Variants in ENTPD3 observed in about 807,000 individuals in gnomAD.
ENTPD3 encodes CD39 antigen-like 3.
A neutral mutation model predicts 51.2 loss-of-function variants in ENTPD3; 60 were observed. The observed-to-expected ratio is 1.17, with a 90% CI of 0.95 to 1.45. The LOEUF (loss-of-function observed/expected upper bound fraction) is 1.45. Among genes scored for constraint, ENTPD3 ranks in the 40% most tolerant of loss-of-function variants. The pLI is 0.00. For synonymous variants in ENTPD3, 221 were observed against 238.4 expected (o/e 0.93, Z 0.67); for missense variants, 593 against 641.1 (o/e 0.93, Z 0.81).
In ENTPD3 at chr3:40,416,172, T is replaced by C. The variant is rs546241348; in HGVS notation, c.831+99T>C. 117 of 795,576 alleles carry C rather than the reference T, an allele frequency of 1.5e-4. No homozygotes were observed. In the African/African-American group the frequency reaches 1.8e-3, roughly 12 times the overall value. The allele number at this position is 795,576 out of a possible 1,614,324, so 49.3% of individuals were successfully genotyped here. On this transcript the variant is annotated intron_variant, in intron 7 of 10. Coordinates refer to ENST00000301825, the MANE Select transcript of ENTPD3 (RefSeq NM_001248.4). Reference sequence around the variant, plus strand: ...CTGGGGTCTGTCCTCTCCACTTCAATTGAAAGGTAGATGGAAATAACAGCA... The same window carrying C: ...CTGGGGTCTGTCCTCTCCACTTCAACTGAAAGGTAGATGGAAATAACAGCA...
intron 7 of ENTPD3, among the ~76,000 whole-genome samples, chr3:40,416,529 G>A (rs1311299721): frequency 6.6e-6 from 1 of 152,210 alleles, no homozygotes; most frequent in Non-Finnish European, 1.5e-5. Context: ...GTCTATATTA[G>A]GCAGACTTGA....
At chr3:40,390,933 T>G (rs1955037635) in intron 2 of ENTPD3, 1 of 152,164 alleles carries the variant, frequency 6.6e-6, no homozygotes, top group African/African-American at 2.4e-5. Flanking sequence ...AATGAAATCA[T>G]TTCAGTATAG....
intron 7 of ENTPD3, among the ~76,000 whole-genome samples, chr3:40,418,520 C>T (rs1955794820): frequency 6.6e-6 from 1 of 152,132 alleles, no homozygotes; most frequent in Non-Finnish European, 1.5e-5. Context: ...TCTCCAGTCA[C>T]CTTAGAGCTG....
At chr3:40,417,422 G>C (rs765924633) in intron 7 of ENTPD3, among the ~76,000 whole-genome samples, 4 of 152,200 alleles carry the variant, frequency 2.6e-5, no homozygotes, top group Non-Finnish European at 5.9e-5. Flanking sequence ...AGGAGGAAGA[G>C]AGAGAGTGAA....
chr3:40,394,999 C>T (rs1443295801), intron 3 of ENTPD3, among the ~76,000 whole-genome samples: 3 of 152,134 alleles, frequency 2.0e-5, no homozygotes, highest in Non-Finnish European at 2.9e-5. Context: ...CTAGGGTCTT[C>T]GTGGACCTCC....
At chr3:40,424,026 G>C in intron 10 of ENTPD3, 63 bp downstream of exon 10, 1 of 1,608,804 alleles carries the variant, frequency 6.2e-7, no homozygotes, top group Non-Finnish European at 8.5e-7. Flanking sequence ...ATGTGTGTGT[G>C]GAACAAATGT....
At chr3:40,404,134 G>C (rs911661337) in intron 4 of ENTPD3, among the ~76,000 whole-genome samples, 1 of 152,214 alleles carries the variant, frequency 6.6e-6, no homozygotes, top group African/African-American at 2.4e-5. Context: ...CAAGGAAAGA[G>C]AAGATAGTGT....
intron 10 of ENTPD3, among the ~76,000 whole-genome samples, chr3:40,426,971 C>G (rs1486562092): frequency 4.6e-5 from 7 of 152,208 alleles, no homozygotes; most frequent in Admixed American, 1.3e-4. Flanking sequence ...GCCACAAACA[C>G]TCCTGTGCTC....
chr3:40,387,931 T>C, intron 1 of ENTPD3, 115 bp from the exon 2 acceptor site: 1 of 771,246 alleles, frequency 1.3e-6, no homozygotes, highest in East Asian at 2.6e-5. Flanking sequence ...TTTCCCGGGA[T>C]GAGGTTTTGA....
At chr3:40,397,551 A>G (rs1404889701) in intron 3 of ENTPD3, among the ~76,000 whole-genome samples, 3 of 152,152 alleles carry the variant, frequency 2.0e-5, no homozygotes, top group African/African-American at 7.2e-5. Context: ...CAATAACACA[A>G]AGCACTTTCT....
At chr3:40,388,888 C>CTCCTA (rs1353263404) in intron 2 of ENTPD3, among the ~76,000 whole-genome samples, 1 of 152,156 alleles carries the variant, frequency 6.6e-6, no homozygotes, top group African/African-American at 2.4e-5. Flanking sequence ...TGCTGAAACA[C>CTCCTA]AGAAGACTTA....
chr3:40,423,594 A>G (rs1459024141), intron 9 of ENTPD3, among the ~76,000 whole-genome samples, 193 bp downstream of exon 9: 3 of 152,256 alleles, frequency 2.0e-5, no homozygotes, highest in Non-Finnish European at 2.9e-5. Flanking sequence ...CAATGGTTAG[A>G]ACAATATTTG....
At chr3:40,389,913 G>A (rs139721593) in intron 2 of ENTPD3, among the ~76,000 whole-genome samples, 132 of 152,282 alleles carry the variant, frequency 8.7e-4, no homozygotes, top group African/African-American at 3.0e-3. Context: ...GAATAAGACA[G>A]GATCTATCCA....
intron 7 of ENTPD3, among the ~76,000 whole-genome samples, chr3:40,421,093 G>A (rs1293856962): frequency 6.7e-6 from 1 of 149,916 alleles, no homozygotes; most frequent in South Asian, 2.1e-4. Flanking sequence ...GTGCAATCTC[G>A]GTTTGCTGCA....
chr3:40,413,202 G>A lies in ENTPD3; in HGVS notation c.437+1240G>A, dbSNP rs577682746. On this transcript the variant is annotated intron_variant, in intron 5 of 10. Transcript: ENST00000301825. ...GAAGTTTTCAATTTGGAGACTGAAT[G>A]CTTAGAGCTTAGTTTGTGAAATCCT... 2.0e-5 allele frequency among the ~76,000 whole-genome samples: 3 copies of A among 152,310 alleles called. No individual in the cohort carries two copies. The South Asian group carries it at 6.2e-4, about 32-fold the overall frequency.
Position 40,411,860 on chromosome 3 carries a change from C to T in ENTPD3, c.335C>T (p.Ala112Val). Reference protein sequence around the residue: ...YGNNPQDVPRAFEECMQKVKG... With the variant: ...YGNNPQDVPRVFEECMQKVKG... ...AATAACCCCCAAGATGTCCCCAGAG[C>T]CTTTGAGGAGTGTATGCAAAAAGTC... Residue 112 changes from alanine (A) to valine (V), a missense_variant, in exon 5 of 11, where the codon GCC becomes GTC. Coordinates refer to ENST00000301825, the MANE Select transcript of ENTPD3 (RefSeq NM_001248.4). 3 of 1,611,464 alleles carry T rather than the reference C, an allele frequency of 1.9e-6. No individual in the cohort carries two copies. Among genetic ancestry groups the T allele is most frequent in the Non-Finnish European group, 2.5e-6 (3 of 1,178,902 alleles).
At chr3:40,410,850 A>T (rs572441823) in intron 4 of ENTPD3, among the ~76,000 whole-genome samples, 1 of 152,244 alleles carries the variant, frequency 6.6e-6, no homozygotes, top group Admixed American at 6.5e-5. Context: ...TGGGATCCTG[A>T]CTCATACAAA....
chr3:40,395,352 G>A (rs1955173387), intron 3 of ENTPD3, among the ~76,000 whole-genome samples: 3 of 152,168 alleles, frequency 2.0e-5, no homozygotes, highest in Admixed American at 2.0e-4. Flanking sequence ...TAGATCCCTG[G>A]GCAGTCTAGA....
intron 2 of ENTPD3, among the ~76,000 whole-genome samples, chr3:40,389,551 A>G (rs1397149284): frequency 1.3e-5 from 2 of 152,214 alleles, no homozygotes; most frequent in Non-Finnish European, 2.9e-5. Flanking sequence ...TGCAGTTTTC[A>G]TAAATATTGA....
Sources: gnomAD v4.1 joint callset for allele counts (sites outside exome capture counted in the v4.1 genomes callset) on GRCh38, gnomAD v4.1.1 for gene constraint, MANE v1.5 for transcripts, NCBI Gene and HGNC (gene_info 2026-07-23, HGNC 2026-07-21) for gene names.